ITGA9: variants seen among roughly 807,000 people sequenced by gnomAD.
ITGA9 encodes integrin alpha-9.
Under a neutral mutation model 127.8 loss-of-function variants are expected in ITGA9, and 56 were observed. The ratio of observed to expected loss-of-function variants is 0.44; its 90% CI spans 0.35 to 0.55. The LOEUF (loss-of-function observed/expected upper bound fraction) is 0.55. Ranked by LOEUF, ITGA9 falls within the 20% of genes least tolerant of loss-of-function variation. ITGA9 has a pLI of 0.00. For synonymous variants in ITGA9, 508 were observed against 514.5 expected (o/e 0.99, Z 0.17); for missense variants, 1,196 against 1,347.1 (o/e 0.89, Z 1.76).
intron 25 of ITGA9, among the ~76,000 whole-genome samples, chr3:37,784,701 CT>C (rs1697017616): frequency 6.6e-6 from 1 of 152,166 alleles, no homozygotes; most frequent in South Asian, 2.1e-4. Flanking sequence ...ATATCTGGCT[CT>C]AACTGCTTGG....
intron 23 of ITGA9, among the ~76,000 whole-genome samples, chr3:37,763,891 C>T (rs1234292795): frequency 6.6e-6 from 1 of 152,186 alleles, no homozygotes; most frequent in African/African-American, 2.4e-5. Context: ...AGCCAGCTCT[C>T]TGGGTGAGAG....
Position 37,618,203 on chromosome 3 carries a change from C to G in ITGA9, c.1690-10984C>G, listed in dbSNP as rs1224641740. ...ACAGTCAGGACCCTCAGCTGCAGGTCTGTTGGAGTTTGCCAGAGGTCCACT... is the reference window on the plus strand; with the variant it reads ...ACAGTCAGGACCCTCAGCTGCAGGTGTGTTGGAGTTTGCCAGAGGTCCACT... On this transcript the variant is annotated intron_variant, in intron 15 of 27. Coordinates refer to ENST00000264741, the MANE Select transcript of ITGA9 (RefSeq NM_002207.3). Among the ~76,000 whole-genome samples, 3 of 152,210 alleles carry G rather than the reference C, an allele frequency of 2.0e-5. No homozygotes were observed. The East Asian group carries it at 5.8e-4, about 29-fold the overall frequency.
In ITGA9 at chr3:37,780,264, C is replaced by T. The variant is rs188730048; in HGVS notation, c.2787+243C>T. On this transcript the variant is annotated intron_variant, in intron 25 of 27. Transcript: ENST00000264741. The stretch of plus-strand genomic sequence containing the variant: ...TGATGAAATCTGGGCTTTTAGTGTA[C>T]CCAATAGTGAACATGGTACCCAACA... 4.7e-4 allele frequency among the ~76,000 whole-genome samples: 72 copies of T among 152,190 alleles called. No homozygotes were observed. In the East Asian group the frequency reaches 0.011, roughly 23 times the overall value.
intron 22 of ITGA9, among the ~76,000 whole-genome samples, chr3:37,746,647 G>T (rs1436329923): frequency 5.3e-5 from 8 of 151,610 alleles, no homozygotes; most frequent in Non-Finnish European, 1.0e-4. Context: ...GACATGCCAG[G>T]ATGTTTCTTT....
chr3:37,785,339 C>T (rs1300452201), intron 26 of ITGA9, among the ~76,000 whole-genome samples: 1 of 152,172 alleles, frequency 6.6e-6, no homozygotes, highest in Non-Finnish European at 1.5e-5. Context: ...GGAAAATGGT[C>T]TGGAAGTACA....
intron 23 of ITGA9, among the ~76,000 whole-genome samples, chr3:37,767,240 A>C (rs1197144389): frequency 6.6e-6 from 1 of 152,236 alleles, no homozygotes; most frequent in Non-Finnish European, 1.5e-5. Context: ...GCATTGGATT[A>C]TACTCAACCT....
At chr3:37,613,922 C>T (rs1174512122) in intron 15 of ITGA9, among the ~76,000 whole-genome samples, 1 of 152,180 alleles carries the variant, frequency 6.6e-6, no homozygotes, top group Non-Finnish European at 1.5e-5. Flanking sequence ...GTTGCCTGTT[C>T]ACTCTGATGG....
intron 7 of ITGA9, 83 bp downstream of exon 7, chr3:37,506,168 A>T (rs1698842014): frequency 9.8e-7 from 1 of 1,022,396 alleles, no homozygotes. Flanking sequence ...TTGCCAGCTG[A>T]CATTGACCTG....
At chr3:37,710,496 G>C (rs1322290940) in intron 18 of ITGA9, among the ~76,000 whole-genome samples, 1 of 152,206 alleles carries the variant, frequency 6.6e-6, no homozygotes, top group African/African-American at 2.4e-5. Context: ...TTGATCCTGG[G>C]CTCGCAGGGC....
chr3:37,716,244 T>C (rs943295484), intron 18 of ITGA9, among the ~76,000 whole-genome samples: 4 of 152,156 alleles, frequency 2.6e-5, no homozygotes, highest in Admixed American at 2.6e-4. Flanking sequence ...TCAATGTGCA[T>C]GGTTGTGCAT....
At chr3:37,564,729 A>T (rs1575151558) in intron 15 of ITGA9, among the ~76,000 whole-genome samples, 2 of 152,192 alleles carry the variant, frequency 1.3e-5, no homozygotes, top group East Asian at 3.9e-4. Context: ...GTGCATGCAA[A>T]CATGATGCTG....
chr3:37,713,576 G>A (rs780976446), intron 18 of ITGA9, among the ~76,000 whole-genome samples: 2 of 152,228 alleles, frequency 1.3e-5, no homozygotes, highest in Non-Finnish European at 2.9e-5. Context: ...GAACTGAGCT[G>A]GTTGGAGCTG....
chr3:37,503,107 G>T, intron 5 of ITGA9, 71 bp from the exon 6 acceptor site: 1 of 1,566,114 alleles, frequency 6.4e-7, no homozygotes, highest in South Asian at 1.1e-5. Context: ...TTGTGACTGT[G>T]GTTCTCATTG....
intron 15 of ITGA9, among the ~76,000 whole-genome samples, chr3:37,567,620 TG>T (rs1387768487): frequency 1.3e-5 from 2 of 152,038 alleles, no homozygotes; most frequent in African/African-American, 4.8e-5. Flanking sequence ...CTAGATACAA[TG>T]GGGGTATAGG....
intron 2 of ITGA9, 120 bp downstream of exon 2, chr3:37,471,254 CCTT>C (rs1405092051): frequency 8.9e-6 from 10 of 1,126,628 alleles, no homozygotes; most frequent in Non-Finnish European, 1.2e-5. Context: ...TTCCCTCCCT[CCTT>C]CTCTCCAACA....
chr3:37,608,222 A>G (rs112934568), intron 15 of ITGA9, among the ~76,000 whole-genome samples: 22 of 152,364 alleles, frequency 1.4e-4, no homozygotes, highest in Non-Finnish European at 1.0e-4. Context: ...ATAGTGACTT[A>G]TAAAAACCTC....
At chr3:37,577,246 C>T (rs1699662942) in intron 15 of ITGA9, among the ~76,000 whole-genome samples, 1 of 152,260 alleles carries the variant, frequency 6.6e-6, no homozygotes, top group Admixed American at 6.5e-5. Flanking sequence ...AGCCTTTCTG[C>T]CCCACTTCCA....
chr3:37,670,446 T>G (rs1004340986), intron 17 of ITGA9, among the ~76,000 whole-genome samples: 1 of 152,214 alleles, frequency 6.6e-6, no homozygotes, highest in African/African-American at 2.4e-5. Flanking sequence ...CTCTTGCTGA[T>G]CTGTGAACCC....
chr3:37,532,032 G>A (rs892012444), intron 13 of ITGA9, among the ~76,000 whole-genome samples: 2 of 152,168 alleles, frequency 1.3e-5, no homozygotes, highest in African/African-American at 4.8e-5. Context: ...CAATCACACT[G>A]GCCAGGGGTA....
Sources: gnomAD v4.1 joint callset for allele counts (sites outside exome capture counted in the v4.1 genomes callset) on GRCh38, gnomAD v4.1.1 for gene constraint, MANE v1.5 for transcripts, NCBI Gene and HGNC (gene_info 2026-07-23, HGNC 2026-07-21) for gene names.